SVIL: variants seen among roughly 807,000 people sequenced by gnomAD.
SVIL encodes archvillin.
A neutral mutation model predicts 240.4 loss-of-function variants in SVIL; 101 were observed. That is an observed-to-expected ratio of 0.42 (90% CI 0.36 to 0.50). SVIL has a LOEUF of 0.50. SVIL is among the 20% of genes least tolerant of loss of function. SVIL has a pLI of 0.01. For synonymous variants in SVIL, 999 were observed against 1,100.0 expected, an observed-to-expected ratio of 0.91 and a Z score of 1.82; for missense variants, 2,512 against 2,818.7, an observed-to-expected ratio of 0.89 and a Z score of 2.46.
chr10:29,623,879 T>G (rs1009928420), intron 1 of SVIL, among the ~76,000 whole-genome samples: 1 of 152,016 alleles, frequency 6.6e-6, no homozygotes, highest in African/African-American at 2.4e-5. Context: ...AGAAACACAG[T>G]CATTTGCCAT....
intron 2 of SVIL, among the ~76,000 whole-genome samples, chr10:29,667,576 G>A (rs1959409413): frequency 6.6e-6 from 1 of 152,128 alleles, no homozygotes; most frequent in Non-Finnish European, 1.5e-5. Flanking sequence ...CCTGGGCCAG[G>A]TGTAGTGGCT....
At position 29,654,185 on chromosome 10, in the gene SVIL, T is replaced by G. The variant is rs192831387; in HGVS notation, c.-201+3784A>C. On this transcript the variant is annotated intron_variant, in intron 3 of 35. Transcript: ENST00000375400. ...CTGATCCATGCACATGGAATGTTTT[T>G]CCAGTTATTTAGGTCTTCTTTAGTT... 9.0e-4 allele frequency among the ~76,000 whole-genome samples: 137 copies of G among 152,328 alleles called. No individual in the cohort carries two copies. In the Middle Eastern group the frequency reaches 0.01, roughly 11 times the overall value.
chr10:29,563,176 G>T (rs1204609013), intron 3 of SVIL, 25 bp downstream of exon 3: 15 of 876,038 alleles, frequency 1.7e-5, no homozygotes, highest in Non-Finnish European at 2.1e-5. Context: ...CCCAGACATG[G>T]TTGGTCACTT....
At chr10:29,610,577 T>C (rs776212509) in intron 1 of SVIL, among the ~76,000 whole-genome samples, 4 of 151,804 alleles carry the variant, frequency 2.6e-5, no homozygotes, top group Non-Finnish European at 5.9e-5. Flanking sequence ...TGCTCCACTA[T>C]GCCTGGCTAA....
chr10:29,539,207 AG>A (rs552250830), intron 6 of SVIL, among the ~76,000 whole-genome samples: 10 of 151,842 alleles, frequency 6.6e-5, no homozygotes, highest in African/African-American at 1.9e-4. Context: ...AAACAAACAA[AG>A]TATGTGAAGG....
At chr10:29,685,149 C>T (rs1484470952) in intron 2 of SVIL, among the ~76,000 whole-genome samples, 1 of 152,204 alleles carries the variant, frequency 6.6e-6, no homozygotes, top group Non-Finnish European at 1.5e-5. Context: ...TTAGCTTCCA[C>T]TTATGCATGA....
chr10:29,665,482 A>G (rs981840316), intron 2 of SVIL, among the ~76,000 whole-genome samples: 2 of 152,218 alleles, frequency 1.3e-5, no homozygotes, highest in Non-Finnish European at 2.9e-5. Flanking sequence ...GTCTAGGTGG[A>G]CAACTAATAC....
intron 1 of SVIL, among the ~76,000 whole-genome samples, chr10:29,713,945 C>T (rs1192537541): frequency 6.6e-6 from 1 of 152,214 alleles, no homozygotes; most frequent in Non-Finnish European, 1.5e-5. Context: ...GAATAGAATT[C>T]AGCACACAGC....
At chr10:29,610,002 G>A (rs946583255) in intron 1 of SVIL, among the ~76,000 whole-genome samples, 2 of 152,186 alleles carry the variant, frequency 1.3e-5, no homozygotes, top group Non-Finnish European at 2.9e-5. Flanking sequence ...AGGATCCTGT[G>A]ACACTGTGAC....
At chr10:29,493,494 G>C in intron 20 of SVIL, 103 bp from the exon 21 acceptor site, 2 of 1,296,648 alleles carry the variant, frequency 1.5e-6, no homozygotes, top group Non-Finnish European at 1.1e-6. Context: ...AGTTCCAGGA[G>C]TGGAAGAAAC....
At chr10:29,689,638 G>T (rs1176317395) in intron 1 of SVIL, among the ~76,000 whole-genome samples, 1 of 152,212 alleles carries the variant, frequency 6.6e-6, no homozygotes, top group Non-Finnish European at 1.5e-5. Flanking sequence ...AGGTCAGGGA[G>T]CCCTTGTTAT....
chr10:29,492,880 C>A (rs879642709), intron 21 of SVIL, among the ~76,000 whole-genome samples: 59 of 152,216 alleles, frequency 3.9e-4, no homozygotes, highest in Non-Finnish European at 7.9e-4. Flanking sequence ...GTTGAACTCT[C>A]TGCTAAGTGA....
intron 1 of SVIL, among the ~76,000 whole-genome samples, chr10:29,687,976 T>C (rs1961214266): frequency 1.3e-5 from 2 of 152,100 alleles, no homozygotes; most frequent in South Asian, 4.1e-4. Context: ...AGTTCTGGGG[T>C]AAGCCATGAG....
chr10:29,716,704 A>T (rs1318348333), intron 1 of SVIL, among the ~76,000 whole-genome samples: 1 of 152,220 alleles, frequency 6.6e-6, no homozygotes, highest in Non-Finnish European at 1.5e-5. Flanking sequence ...ATGATTTTTT[A>T]CATCTCAGCT....
rs2274492 is a variant in SVIL, at chr10:29,470,498, G to A, written c.5636-15C>T. ...CCGCCACTCACCTGCAGGGGGCACC[G>A]GCGGCGCGGAGGAGTTAGCACGTGA... On this transcript the variant is annotated splice_polypyrimidine_tract_variant and intron_variant, in intron 31 of 37. Coordinates refer to ENST00000355867, the MANE Select transcript of SVIL (RefSeq NM_021738.3). The A allele has an allele frequency of 0.077, 123,747 of 1,613,650 alleles. 4,987 individuals are homozygous for A. Among genetic ancestry groups the A allele is most frequent in the Admixed American group, 0.12 (7,308 of 60,002 alleles).
At chr10:29,702,282 A>G (rs2132646973) in intron 1 of SVIL, among the ~76,000 whole-genome samples, 1 of 150,600 alleles carries the variant, frequency 6.6e-6, no homozygotes. Context: ...ATTTTGAATA[A>G]ATGTTCCATC....
chr10:29,618,518 C>G (rs907746715), intron 1 of SVIL, among the ~76,000 whole-genome samples: 2 of 152,128 alleles, frequency 1.3e-5, no homozygotes, highest in African/African-American at 2.4e-5. Context: ...TCACACAGAC[C>G]CACCATGCCT....
At chr10:29,506,190 T>G (rs1295084654) in intron 17 of SVIL, among the ~76,000 whole-genome samples, 1 of 152,168 alleles carries the variant, frequency 6.6e-6, no homozygotes, top group Non-Finnish European at 1.5e-5. Context: ...ACTTAAAGAC[T>G]TCAGTAATAT....
Position 29,465,653 on chromosome 10 carries a change from G to C in SVIL, c.6075C>G (p.Pro2025=). The change falls in exon 34 of 38, where the codon CCC becomes CCG. Residue 2025 remains proline, a synonymous_variant. Coordinates refer to ENST00000355867, the MANE Select transcript of SVIL (RefSeq NM_021738.3). ...GGAAGGGCATGGAACTGACCACAGA[G>C]GGGGCTCGGGCAGGGTACACAAACT... ...ATEFVYPARA[P]SVVSSMPFLQ... 6.2e-7 allele frequency: 1 copy of C among 1,613,838 alleles called. No individual in the cohort carries two copies. Among genetic ancestry groups the C allele is most frequent in the Non-Finnish European group, 8.5e-7 (1 of 1,179,974 alleles).
Sources: allele counts gnomAD v4.1 joint callset (sites outside exome capture counted in the v4.1 genomes callset), GRCh38; gene constraint gnomAD v4.1.1; transcripts MANE v1.5; gene names NCBI Gene and HGNC (gene_info 2026-07-23, HGNC 2026-07-21).